Variants in ZNF782 observed in about 807,000 individuals in gnomAD.
ZNF782 encodes zinc finger protein 782.
ZNF782 carries 12 observed loss-of-function variants against 13.0 expected under a neutral mutation model. The ratio of observed to expected loss-of-function variants is 0.92; its 90% confidence interval spans 0.59 to 1.50. The LOEUF is 1.50. ZNF782 is among the 40% of genes most tolerant of loss of function. ZNF782 has a pLI of 0.00. For missense variants in ZNF782, 770 were observed against 822.9 expected, an observed-to-expected ratio of 0.94 and a Z score of 0.79; for synonymous variants, 284 against 283.0, an observed-to-expected ratio of 1.00 and a Z score of -0.04.
In ZNF782 at chr9:96,819,461, C is replaced by T. The variant is rs527974764; in HGVS notation, c.562G>A (p.Ala188Thr). Residue 188 changes from alanine to threonine, a missense_variant, in exon 6 of 6, where the codon GCT becomes ACT. Ala to Thr is a moderately conservative substitution (Grantham distance 58). Coordinates refer to ENST00000481138, the MANE Select transcript of ZNF782 (RefSeq NM_001001662.3). ...AGGGTTTTCACAATTTTACTATAAG[C>T]GAAAGATTTCTCTTGAGTGTTAGTT... ...GRTNTQEKSF[A>T]YSKIVKTLHH... The T allele has an allele frequency of 2.9e-5, 47 of 1,613,850 alleles. No homozygotes were observed. Among genetic ancestry groups the T allele is most frequent in the East Asian group, 2.5e-4 (11 of 44,872 alleles).
intron 4 of ZNF782, among the ~76,000 whole-genome samples, chr9:96,836,199 T>C (rs1383742653): frequency 6.6e-6 from 1 of 151,444 alleles, no homozygotes; most frequent in Non-Finnish European, 1.5e-5. Flanking sequence ...CATTGTATCT[T>C]GGAAGTAAAA....
chr9:96,827,312 C>CA (rs1047779454), intron 4 of ZNF782, 131 bp from the exon 5 acceptor site: 53 of 518,760 alleles, frequency 1.0e-4, no homozygotes, highest in African/African-American at 1.0e-3. Context: ...GAAGTAACCA[C>CA]AAAAAACATT....
intron 3 of ZNF782, among the ~76,000 whole-genome samples, chr9:96,846,971 C>A (rs1456996995): frequency 6.6e-6 from 1 of 151,996 alleles, no homozygotes; most frequent in African/African-American, 2.4e-5. Flanking sequence ...TTTTAAAAAT[C>A]GAAATCATAT....
intron 4 of ZNF782, 38 bp downstream of exon 4, chr9:96,844,852 T>G: frequency 6.2e-7 from 1 of 1,613,584 alleles, no homozygotes; most frequent in Non-Finnish European, 8.5e-7. Context: ...GAAACAGAAC[T>G]GCACTCTGGA....
At chr9:96,882,653 A>G in the ZNF782 span, among the ~76,000 whole-genome samples, 1 of 152,246 alleles carries the variant, frequency 6.6e-6, no homozygotes, top group Non-Finnish European at 1.5e-5. Context: ...TCCTGAAAGC[A>G]TCAGTAGGAA....
the ZNF782 span, among the ~76,000 whole-genome samples, chr9:96,901,256 T>G: frequency 6.7e-6 from 1 of 149,756 alleles, no homozygotes; most frequent in African/African-American, 2.5e-5. Flanking sequence ...TACTGTCCTA[T>G]AATTGAAAAA....
chr9:96,919,708 C>T, the ZNF782 span, among the ~76,000 whole-genome samples: 3 of 149,634 alleles, frequency 2.0e-5, no homozygotes, highest in East Asian at 6.9e-4. Context: ...GGATTAAAGG[C>T]GTGTACCACT....
At chr9:96,931,697 T>C in the ZNF782 span, 1 of 1,610,886 alleles carries the variant, frequency 6.2e-7, no homozygotes, top group Non-Finnish European at 8.5e-7. Context: ...GCCAGCTCAT[T>C]CACCTCTTTC....
In ZNF782 at chr9:96,816,286, G is replaced by A. The variant is rs1850164233; in HGVS notation, c.*1637C>T. On this transcript the variant is annotated 3_prime_UTR_variant, in exon 6 of 6. Transcript: ENST00000481138. ...ATCAGATATTTTCTGTAAAAGGTTTGTTATTAATATTCATGTGGCAAATTG... is the reference window on the plus strand; with the variant it reads ...ATCAGATATTTTCTGTAAAAGGTTTATTATTAATATTCATGTGGCAAATTG... 6.6e-6 allele frequency among the ~76,000 whole-genome samples: 1 copy of A among 152,178 alleles called. No individual in the cohort carries two copies. Among genetic ancestry groups the A allele is most frequent in the South Asian group, 2.1e-4 (1 of 4,834 alleles).
the ZNF782 span, among the ~76,000 whole-genome samples, chr9:96,930,872 G>GTTTTTTTTTTTTTTTTTTTTTTT: frequency 5.5e-5 from 4 of 72,726 alleles, 2 homozygotes; most frequent in Non-Finnish European, 1.0e-4. Context: ...CCATCCAGTG[G>GTTTTTTTTTTTTTTTTTTTTTTT]TTTTTTTTTT....
the ZNF782 span, chr9:96,893,798 A>C: frequency 6.9e-6 from 1 of 145,440 alleles, no homozygotes; most frequent in South Asian, 2.1e-4. Flanking sequence ...CAGGAGATCG[A>C]GACCATCCTG....
rs758534330 is a variant in ZNF782, at chr9:96,817,902, GTAT to G, written c.*18_*20del. ...TTGATTTCCAGCTCAGAGTTTTTTC[GTAT>G]TCTTTATATGCATACATTTAATCCC... On this transcript the variant is annotated 3_prime_UTR_variant, in exon 6 of 6. Coordinates refer to ENST00000481138, the MANE Select transcript of ZNF782 (RefSeq NM_001001662.3). 1 of 1,519,284 alleles carries G rather than the reference GTAT, an allele frequency of 6.6e-7. No homozygotes were observed. The highest frequency in any genetic ancestry group is 8.8e-7 in the Non-Finnish European group (1 of 1,137,590). The allele number at this position is 1,519,284 out of a possible 1,614,324, so 94.1% of individuals were successfully genotyped here. A position where few individuals can be genotyped will look rare whatever the true frequency, so the allele number is the denominator to read the frequency against.
rs1417024694 is a variant in ZNF782 at position 96,854,136 on chromosome 9, T to G, written c.-310A>C. 1.3e-5 allele frequency: 2 copies of G among 152,148 alleles called. No individual in the cohort carries two copies. The highest frequency in any genetic ancestry group is 1.5e-5 in the Non-Finnish European group (1 of 68,054). The allele number at this position is 152,148 out of a possible 1,614,324, so 9.4% of individuals were successfully genotyped here. A position where few individuals can be genotyped will look rare whatever the true frequency, so the allele number is the denominator to read the frequency against. On this transcript the variant is annotated 5_prime_UTR_variant, in exon 1 of 6. Transcript: ENST00000481138. ...TCGGGGTCTCGATGCAGACCCACCGTCCGGGGATTTCGGGCACGTTGTCGC... is the reference window on the plus strand; with the variant it reads ...TCGGGGTCTCGATGCAGACCCACCGGCCGGGGATTTCGGGCACGTTGTCGC...
At chr9:96,833,104 T>A (rs61476076) in intron 4 of ZNF782, among the ~76,000 whole-genome samples, 2,862 of 152,280 alleles carry the variant, frequency 0.019, 78 homozygotes, top group African/African-American at 0.064. Context: ...AATGATTTTT[T>A]AAAAAGTTTT....
the ZNF782 span, among the ~76,000 whole-genome samples, chr9:96,900,081 G>A: frequency 6.6e-6 from 1 of 152,024 alleles, no homozygotes. Flanking sequence ...TTACAGGCGT[G>A]AGCCATTGTA....
chr9:96,849,656 ATAAAT>A (rs2118786065), intron 3 of ZNF782, among the ~76,000 whole-genome samples: 1 of 152,366 alleles, frequency 6.6e-6, no homozygotes, highest in South Asian at 2.1e-4. Context: ...AAAAACAAAA[ATAAAT>A]TAACTGGACC....
the ZNF782 span, chr9:96,895,677 C>T: frequency 6.6e-6 from 1 of 152,198 alleles, no homozygotes; most frequent in African/African-American, 2.4e-5. Context: ...CCCAGGAAAA[C>T]TAATGCATCA....
At chr9:96,843,330 T>G (rs1851243444) in intron 4 of ZNF782, among the ~76,000 whole-genome samples, 2 of 152,110 alleles carry the variant, frequency 1.3e-5, no homozygotes, top group Non-Finnish European at 2.9e-5. Flanking sequence ...ATTCATACAG[T>G]GAAATACTAC....
At chr9:96,910,078 G>A in the ZNF782 span, 15 of 603,794 alleles carry the variant, frequency 2.5e-5, no homozygotes, top group Non-Finnish European at 4.8e-5. Flanking sequence ...GCCCCACCAT[G>A]TCAGATGCAG....
Sources: allele counts gnomAD v4.1 joint callset (sites outside exome capture counted in the v4.1 genomes callset), GRCh38; gene constraint gnomAD v4.1.1; transcripts MANE v1.5; gene names NCBI Gene and HGNC (gene_info 2026-07-23, HGNC 2026-07-21).